Variants in NCBP3 observed in about 807,000 individuals in gnomAD.
The protein encoded by NCBP3 is nuclear cap-binding protein subunit 3.
NCBP3 carries 20 observed loss-of-function variants against 75.7 expected under a neutral mutation model. The ratio of observed to expected loss-of-function variants is 0.26; its 90% confidence interval spans 0.19 to 0.38. The LOEUF is 0.38. Among genes scored for constraint, NCBP3 ranks in the 10% least tolerant of loss-of-function variants. The pLI is 1.00. For missense variants in NCBP3, 678 were observed against 796.9 expected (o/e 0.85, Z 1.80); for synonymous variants, 293 against 290.5 (o/e 1.01, Z -0.09).
At chr17:3,825,158 A>T (rs2053761285) in intron 6 of NCBP3, 108 bp from the exon 7 acceptor site, 1 of 572,904 alleles carries the variant, frequency 1.7e-6, no homozygotes, top group Admixed American at 3.5e-5. Flanking sequence ...ACTTACAAGC[A>T]TTATAGCACT....
chr17:3,825,960 G>A, intron 5 of NCBP3, 117 bp from the exon 6 acceptor site: 4 of 1,411,138 alleles, frequency 2.8e-6, no homozygotes, highest in South Asian at 2.7e-5. Context: ...ATTTCCTGAT[G>A]ATCTCAAGCA....
rs1190488483 is a variant in NCBP3 at position 3,821,298 on chromosome 17, G to A, written c.951C>T (p.Ala317=). Residue 317 remains alanine, a synonymous_variant, in exon 9 of 13, where the codon GCC becomes GCT. Coordinates refer to ENST00000389005, the MANE Select transcript of NCBP3 (RefSeq NM_001114118.3). Reference sequence around the variant, plus strand: ...TCAAGCCAACGTCATCCCCAATCAGGGCTCTCTTCTTGATCACGTCCCGCT... The same window carrying A: ...TCAAGCCAACGTCATCCCCAATCAGAGCTCTCTTCTTGATCACGTCCCGCT... ...RIQRDVIKKR[A]LIGDDVGLTS... 6.2e-7 allele frequency: 1 copy of A among 1,613,916 alleles called. No individual in the cohort carries two copies. The highest frequency in any genetic ancestry group is 8.5e-7 in the Non-Finnish European group (1 of 1,179,988).
chr17:3,832,434 T>G lies in NCBP3; in HGVS notation c.356-3066A>C, dbSNP rs370938568. ...AGATCACAAGGTCAGATCGAGACCA[T>G]CCTGGCCAACACGGTGAAACCCCGT... On this transcript the variant is annotated intron_variant, in intron 3 of 12. Coordinates refer to ENST00000389005, the MANE Select transcript of NCBP3 (RefSeq NM_001114118.3). 6.3e-3 allele frequency among the ~76,000 whole-genome samples: 734 copies of G among 117,330 alleles called. 203 individuals carry two copies. Among genetic ancestry groups the G allele is most frequent in the Middle Eastern group, 0.019 (4 of 210 alleles). 77.0% of individuals were successfully genotyped at this position (117,330 alleles called of 152,430 possible). A position where few individuals can be genotyped will look rare whatever the true frequency, so the allele number is the denominator to read the frequency against.
At position 3,807,768 on chromosome 17, in the gene NCBP3, C is replaced by G. The variant is rs1452909929; in HGVS notation, c.*5276G>C. On this transcript the variant is annotated 3_prime_UTR_variant, in exon 13 of 13. Coordinates refer to ENST00000389005, the MANE Select transcript of NCBP3 (RefSeq NM_001114118.3). ...CCTGAGGCTGGAGGGTTTACAAACT[C>G]ATCCCATCTTTACAGAAGACCTGCT... 1 of 152,156 alleles carries G rather than the reference C, an allele frequency of 6.6e-6. No individual in the cohort carries two copies. Among genetic ancestry groups the G allele is most frequent in the African/African-American group, 2.4e-5 (1 of 41,420 alleles). 9.4% of individuals were successfully genotyped at this position (152,156 alleles called of 1,614,324 possible). A position where few individuals can be genotyped will look rare whatever the true frequency, so the allele number is the denominator to read the frequency against.
rs575127225 is a variant in NCBP3, at chr17:3,826,830, G to A, written c.482-615C>T. ...AGATCGAGACCATCCTGGCTAACAC[G>A]GTGAAACCCCGTCTCTACTAAAAAT... is the stretch of plus-strand genomic sequence containing the variant. On this transcript the variant is annotated intron_variant, in intron 4 of 12. Transcript: ENST00000389005. 3.3e-5 allele frequency among the ~76,000 whole-genome samples: 5 copies of A among 151,898 alleles called. No homozygotes were observed. In the South Asian group the frequency reaches 1.0e-3, roughly 32 times the overall value.
chr17:3,824,403 T>TAC (rs1802561219), intron 7 of NCBP3: 1 of 151,390 alleles, frequency 6.6e-6, no homozygotes, highest in African/African-American at 2.5e-5. Flanking sequence ...CACACATACA[T>TAC]ATATACACAT....
At chr17:3,834,140 C>A (rs2053934990) in intron 3 of NCBP3, among the ~76,000 whole-genome samples, 1 of 152,168 alleles carries the variant, frequency 6.6e-6, no homozygotes, top group African/African-American at 2.4e-5. Flanking sequence ...GTGAGCACAA[C>A]TGACCAAGGC....
At position 3,832,452 on chromosome 17, in the gene NCBP3, A is replaced by G. The variant is rs1424768679; in HGVS notation, c.356-3084T>C. On this transcript the variant is annotated intron_variant, in intron 3 of 12. Coordinates refer to ENST00000389005, the MANE Select transcript of NCBP3 (RefSeq NM_001114118.3). The stretch of plus-strand genomic sequence containing the variant: ...GAGACCATCCTGGCCAACACGGTGA[A>G]ACCCCGTCTCTACTAAAAATACAAA... Among the ~76,000 whole-genome samples the G allele has an allele frequency of 1.7e-5, 2 of 117,496 alleles. 1 individual carries two copies. The highest frequency in any genetic ancestry group is 6.2e-4 in the South Asian group (2 of 3,238). 77.1% of individuals were successfully genotyped at this position (117,496 alleles called of 152,430 possible).
intron 4 of NCBP3, 98 bp downstream of exon 4, chr17:3,829,145 A>C: frequency 7.5e-7 from 1 of 1,335,204 alleles, no homozygotes; most frequent in Non-Finnish European, 1.0e-6. Flanking sequence ...CGGCATAAAC[A>C]AGTAGTATGG....
At position 3,818,450 on chromosome 17, in the gene NCBP3, C is replaced by T. The variant is rs145210828; in HGVS notation, c.1123G>A (p.Glu375Lys). The change falls in exon 10 of 13, where the codon GAG (glutamate) becomes AAG (lysine). Residue 375 changes from glutamate to lysine, a missense_variant. Coordinates refer to ENST00000389005, the MANE Select transcript of NCBP3 (RefSeq NM_001114118.3). The surrounding 1 kb of genome is among the most constrained non-coding windows in gnomAD (Gnocchi z 4.7). ...GGCTGCTTGAGAGCCGGGAGCTCCTCGTGGTACTCTACCACCACTCTGTCA... is the reference window on the plus strand; with the variant it reads ...GGCTGCTTGAGAGCCGGGAGCTCCTTGTGGTACTCTACCACCACTCTGTCA... ...ADDRVVVEYH[E>K]ELPALKQPRE... The T allele has an allele frequency of 3.7e-5, 60 of 1,614,080 alleles. No individual in the cohort carries two copies. The highest frequency in any genetic ancestry group is 3.3e-4 in the Admixed American group (20 of 60,026).
Position 3,835,836 on chromosome 17 carries a change from C to T in NCBP3, c.355+4264G>A, listed in dbSNP as rs141435955. Among the ~76,000 whole-genome samples the T allele has an allele frequency of 5.4e-4, 82 of 152,334 alleles. 1 individual carries two copies. The highest frequency in any genetic ancestry group is 8.7e-4 in the Non-Finnish European group (59 of 68,024). ...AATCGTTCAAATGTAGCGAGTCACT[C>T]TTGATGCAGGACAGTCCAGTGTGCC... On this transcript the variant is annotated intron_variant, in intron 3 of 12. Coordinates refer to ENST00000389005, the MANE Select transcript of NCBP3 (RefSeq NM_001114118.3).
chr17:3,842,864 C>G (rs1007774057), intron 2 of NCBP3, among the ~76,000 whole-genome samples: 1 of 151,922 alleles, frequency 6.6e-6, no homozygotes, highest in Non-Finnish European at 1.5e-5. Flanking sequence ...AGGCTGGTCT[C>G]GAACTCCTGG....
intron 1 of NCBP3, among the ~76,000 whole-genome samples, chr17:3,845,651 T>C (rs541242141): frequency 4.2e-4 from 64 of 152,304 alleles, no homozygotes; most frequent in African/African-American, 1.5e-3. Context: ...ACCTGGTTGC[T>C]GGCGCCACCC....
intron 1 of NCBP3, among the ~76,000 whole-genome samples, chr17:3,844,978 G>A (rs2054135624): frequency 6.6e-6 from 1 of 152,138 alleles, no homozygotes; most frequent in African/African-American, 2.4e-5. Flanking sequence ...ATGACTAAAG[G>A]GATGATAACA....
chr17:3,841,996 G>A (rs753922492), intron 2 of NCBP3, among the ~76,000 whole-genome samples: 7 of 151,790 alleles, frequency 4.6e-5, no homozygotes, highest in African/African-American at 9.7e-5. Flanking sequence ...TGTCTAAAAC[G>A]GAACATCACT....
chr17:3,817,465 TA>T (rs2053557901), intron 10 of NCBP3, among the ~76,000 whole-genome samples: 2 of 152,060 alleles, frequency 1.3e-5, no homozygotes, highest in Admixed American at 1.3e-4. Flanking sequence ...CCGTCTCTAC[TA>T]AAATTACAAA....
At position 3,832,117 on chromosome 17, in the gene NCBP3, G is replaced by A. The variant is rs1567591538; in HGVS notation, c.356-2749C>T. Reference sequence around the variant, plus strand: ...GATAATCACTCGAACCTGGGAGGCAGAGGTTGCAGTAAGCCGAGATTGTGC... The same window carrying A: ...GATAATCACTCGAACCTGGGAGGCAAAGGTTGCAGTAAGCCGAGATTGTGC... On this transcript the variant is annotated intron_variant, in intron 3 of 12. Transcript: ENST00000389005. Among the ~76,000 whole-genome samples the A allele has an allele frequency of 1.8e-5, 2 of 112,278 alleles. 1 individual carries two copies. Among genetic ancestry groups the A allele is most frequent in the Admixed American group, 1.8e-4 (2 of 10,928 alleles). 73.7% of individuals were successfully genotyped at this position (112,278 alleles called of 152,430 possible). A position where few individuals can be genotyped will look rare whatever the true frequency, so the allele number is the denominator to read the frequency against.
chr17:3,823,091 A>G (rs1597399752), intron 7 of NCBP3, among the ~76,000 whole-genome samples: 1 of 152,196 alleles, frequency 6.6e-6, no homozygotes, highest in Non-Finnish European at 1.5e-5. Context: ...AGGCGGGCGG[A>G]TCACAAGGTC....
intron 2 of NCBP3, among the ~76,000 whole-genome samples, chr17:3,841,416 C>T (rs1247055816): frequency 6.6e-6 from 1 of 152,172 alleles, no homozygotes; most frequent in Non-Finnish European, 1.5e-5. Context: ...CTTCCTAGTA[C>T]AAACAACAAT....
Sources: allele counts gnomAD v4.1 joint callset (sites outside exome capture counted in the v4.1 genomes callset), GRCh38; gene constraint gnomAD v4.1.1; non-coding constraint Gnocchi (gnomAD v3.1); transcripts MANE v1.5; gene names NCBI Gene and HGNC (gene_info 2026-07-23, HGNC 2026-07-21).